Variants in PRXL2A observed in about 807,000 individuals in gnomAD.
The protein encoded by PRXL2A is peroxiredoxin-like 2A.
In PRXL2A, 26 loss-of-function variants were observed where a neutral mutation model predicts 25.6. The observed-to-expected ratio is 1.02, with a 90% confidence interval of 0.74 to 1.41. The LOEUF (loss-of-function observed/expected upper bound fraction) is 1.41, where lower values mean the gene tolerates loss of function less well. Ranked by LOEUF, PRXL2A falls within the 40% of genes most tolerant of loss-of-function variation. The pLI is 0.00. For missense variants in PRXL2A, 246 were observed against 273.9 expected, an observed-to-expected ratio of 0.90 and a Z score of 0.72; for synonymous variants, 98 against 102.9, an observed-to-expected ratio of 0.95 and a Z score of 0.29.
upstream of PRXL2A, chr10:80,408,494 T>G (rs1215845547): frequency 6.6e-6 from 1 of 152,188 alleles, no homozygotes; most frequent in Admixed American, 6.5e-5. Flanking sequence ...GCGGGTCACA[T>G]GGCGGTGGCG....
Position 80,433,290 on chromosome 10 carries a change from T to C in PRXL2A, c.*1191T>C, listed in dbSNP as rs1013082109. Reference sequence around the variant, plus strand: ...CAAATCAGAAGAAAGGACATAGAGATGATGAAATATAACTTTATCTTTTTT... The same window carrying C: ...CAAATCAGAAGAAAGGACATAGAGACGATGAAATATAACTTTATCTTTTTT... On this transcript the variant is annotated 3_prime_UTR_variant, in exon 6 of 6. Coordinates refer to ENST00000606162, the MANE Select transcript of PRXL2A (RefSeq NM_032333.5). The C allele has an allele frequency of 1.9e-4, 29 of 152,256 alleles. No individual in the cohort carries two copies. The highest frequency in any genetic ancestry group is 6.8e-4 in the African/African-American group (28 of 41,470). 9.4% of individuals were successfully genotyped at this position (152,256 alleles called of 1,614,324 possible).
intron 5 of PRXL2A, among the ~76,000 whole-genome samples, chr10:80,427,953 T>G (rs1311369749): frequency 2.0e-5 from 3 of 152,168 alleles, no homozygotes; most frequent in Non-Finnish European, 4.4e-5. Flanking sequence ...TTTATTCTGT[T>G]TTTGAATTTA....
chr10:80,426,198 TAC>T (rs1463607459), intron 4 of PRXL2A, among the ~76,000 whole-genome samples, 192 bp downstream of exon 4: 1 of 152,238 alleles, frequency 6.6e-6, no homozygotes, highest in Non-Finnish European at 1.5e-5. Flanking sequence ...TCCTCTCAGT[TAC>T]AGACAGTCCC....
At chr10:80,411,469 AGGCCACT>A (rs981747584) in intron 1 of PRXL2A, among the ~76,000 whole-genome samples, 4 of 152,196 alleles carry the variant, frequency 2.6e-5, no homozygotes, top group Non-Finnish European at 5.9e-5. Context: ...CCAGCCTTAG[AGGCCACT>A]GGCCCTTGGC....
chr10:80,413,079 G>A (rs1049492582), intron 1 of PRXL2A, among the ~76,000 whole-genome samples: 10 of 152,254 alleles, frequency 6.6e-5, no homozygotes, highest in African/African-American at 2.2e-4. Context: ...TTCCTGAGTC[G>A]ATGTAGGCAG....
chr10:80,419,556 C>T (rs1052418665), intron 1 of PRXL2A, among the ~76,000 whole-genome samples: 2 of 151,682 alleles, frequency 1.3e-5, no homozygotes, highest in African/African-American at 4.8e-5. Flanking sequence ...GATCCGCCCA[C>T]CTCGGCCTCC....
At chr10:80,431,839 C>A (rs1845273130) in intron 5 of PRXL2A, 147 bp from the exon 6 acceptor site, 1 of 650,286 alleles carries the variant, frequency 1.5e-6, no homozygotes, top group Non-Finnish European at 2.7e-6. Flanking sequence ...AAAGACTGAA[C>A]TCCTTGAGGG....
intron 1 of PRXL2A, among the ~76,000 whole-genome samples, chr10:80,416,199 A>G (rs531006749): frequency 3.3e-5 from 5 of 152,370 alleles, no homozygotes; most frequent in Non-Finnish European, 5.9e-5. Context: ...AATTGGAAGC[A>G]GGCCTGTGGC....
At chr10:80,410,204 GTC>G (rs1844431685) in intron 1 of PRXL2A, among the ~76,000 whole-genome samples, 1 of 152,272 alleles carries the variant, frequency 6.6e-6, no homozygotes, top group Non-Finnish European at 1.5e-5. Flanking sequence ...GAAGCTCCAA[GTC>G]TCTCTGCTGT....
Position 80,421,441 on chromosome 10 carries a change from A to G in PRXL2A, c.178+796A>G, listed in dbSNP as rs542775060. Among the ~76,000 whole-genome samples, 39 of 152,316 alleles carry G rather than the reference A, an allele frequency of 2.6e-4. No individual in the cohort carries two copies. In the South Asian group the frequency reaches 5.8e-3, roughly 23 times the overall value. ...AGGTCTCATTGATGGCGTGGTCACC[A>G]TGTTAGCCCCCCAGGTGGAAGTCAT... On this transcript the variant is annotated intron_variant, in intron 2 of 5. Coordinates refer to ENST00000606162, the MANE Select transcript of PRXL2A (RefSeq NM_032333.5).
At position 80,433,793 on chromosome 10, in the gene PRXL2A, T is replaced by G. The variant is rs543636286; in HGVS notation, c.*1694T>G. ...AACTCAGTACCTAAACTTAGAACTT[T>G]AATACCTAAGACACTTGATGGTGAA... On this transcript the variant is annotated 3_prime_UTR_variant, in exon 6 of 6. Transcript: ENST00000606162. 1.3e-5 allele frequency: 2 copies of G among 152,332 alleles called. No homozygotes were observed. Among genetic ancestry groups the G allele is most frequent in the Admixed American group, 1.3e-4 (2 of 15,308 alleles). 9.4% of individuals were successfully genotyped at this position (152,332 alleles called of 1,614,324 possible). A position where few individuals can be genotyped will look rare whatever the true frequency, so the allele number is the denominator to read the frequency against.
At chr10:80,420,822 T>G (rs1844837982) in intron 2 of PRXL2A, among the ~76,000 whole-genome samples, 177 bp downstream of exon 2, 1 of 152,242 alleles carries the variant, frequency 6.6e-6, no homozygotes. Flanking sequence ...ACAGTAATTT[T>G]GATTTTGGCA....
intron 1 of PRXL2A, among the ~76,000 whole-genome samples, chr10:80,414,499 A>G (rs940634512): frequency 6.6e-6 from 1 of 152,214 alleles, no homozygotes; most frequent in African/African-American, 2.4e-5. Flanking sequence ...AAGGTGATTA[A>G]AAACACATTC....
chr10:80,417,844 A>T (rs1430303565), intron 1 of PRXL2A, among the ~76,000 whole-genome samples: 1 of 151,044 alleles, frequency 6.6e-6, no homozygotes, highest in African/African-American at 2.4e-5. Context: ...CAGCCTCCCA[A>T]ATAGCTGAGA....
rs1845365200 is a variant in PRXL2A at position 80,435,016 on chromosome 10, G to A, written c.*2917G>A. 6.6e-6 allele frequency: 1 copy of A among 152,180 alleles called. No homozygotes were observed. Among genetic ancestry groups the A allele is most frequent in the Non-Finnish European group, 1.5e-5 (1 of 68,050 alleles). The allele number at this position is 152,180 out of a possible 1,614,324, so 9.4% of individuals were successfully genotyped here. A position where few individuals can be genotyped will look rare whatever the true frequency, so the allele number is the denominator to read the frequency against. On this transcript the variant is annotated 3_prime_UTR_variant, in exon 6 of 6. Coordinates refer to ENST00000606162, the MANE Select transcript of PRXL2A (RefSeq NM_032333.5). ...ATCACCTGAGGTCAGGAGTTCAAGAGCAGCCTGGCCAACATGGTGAAACCC... is the reference window on the plus strand; with the variant it reads ...ATCACCTGAGGTCAGGAGTTCAAGAACAGCCTGGCCAACATGGTGAAACCC...
chr10:80,430,388 C>T (rs909125985), intron 5 of PRXL2A, among the ~76,000 whole-genome samples: 5 of 152,180 alleles, frequency 3.3e-5, no homozygotes, highest in East Asian at 1.9e-4. Context: ...AGGCGTGAGC[C>T]GCCGCACCCT....
chr10:80,426,121 G>A, intron 4 of PRXL2A, 115 bp downstream of exon 4: 6 of 1,363,078 alleles, frequency 4.4e-6, no homozygotes, highest in East Asian at 2.3e-5. Flanking sequence ...CTTCCCTTCA[G>A]CTGTCCTGAA....
chr10:80,427,623 C>A, intron 5 of PRXL2A, 127 bp downstream of exon 5: 2 of 878,210 alleles, frequency 2.3e-6, no homozygotes, highest in Non-Finnish European at 3.5e-6. Flanking sequence ...TCTAGCAAGC[C>A]AGGGAACATG....
At position 80,431,971 on chromosome 10, in the gene PRXL2A, C is replaced by T; in HGVS notation, c.577-15C>T. The T allele has an allele frequency of 1.3e-6, 2 of 1,573,484 alleles. No individual in the cohort carries two copies. Among genetic ancestry groups the T allele is most frequent in the African/African-American group, 1.4e-5 (1 of 73,690 alleles). On this transcript the variant is annotated splice_polypyrimidine_tract_variant and intron_variant, in intron 5 of 5. Coordinates refer to ENST00000606162, the MANE Select transcript of PRXL2A (RefSeq NM_032333.5). ...TTTAGGATGAGGACTGACATTATCT[C>T]TTGTTTCCTTTTAGGGCATTCTTCT...
Sources: allele counts gnomAD v4.1 joint callset (sites outside exome capture counted in the v4.1 genomes callset), GRCh38; gene constraint gnomAD v4.1.1; transcripts MANE v1.5; gene names NCBI Gene and HGNC (gene_info 2026-07-23, HGNC 2026-07-21).